Variants in LOC128706665 observed in about 807,000 individuals in gnomAD.
chr20:10,424,703 T>C, the LOC128706665 span, among the ~76,000 whole-genome samples: 1 of 152,336 alleles, frequency 6.6e-6, no homozygotes, highest in African/African-American at 2.4e-5. Context: ...ATTTTGGGGA[T>C]ACAATTTAAA....
chr20:10,427,029 G>GACACACACACAGACACACAC, the LOC128706665 span, among the ~76,000 whole-genome samples: 776 of 130,754 alleles, frequency 5.9e-3, 9 homozygotes, highest in Middle Eastern at 0.013. Context: ...AGAAAACACT[G>GACACACACACAGACACACAC]ACACACACAC....
the LOC128706665 span, among the ~76,000 whole-genome samples, chr20:10,416,880 G>A: frequency 1.3e-5 from 2 of 152,172 alleles, no homozygotes; most frequent in African/African-American, 4.8e-5. Flanking sequence ...TTTGTGTACT[G>A]TGTATGAGTG....
chr20:10,416,136 C>T, the LOC128706665 span, among the ~76,000 whole-genome samples: 3 of 151,314 alleles, frequency 2.0e-5, no homozygotes, highest in African/African-American at 7.3e-5. Context: ...CTTGGATGCA[C>T]GGGCTTGGCA....
chr20:10,422,656 T>G, the LOC128706665 span, among the ~76,000 whole-genome samples: 1 of 152,134 alleles, frequency 6.6e-6, no homozygotes, highest in African/African-American at 2.4e-5. Context: ...GTCTCAATAC[T>G]TAAGGTGACT....
the LOC128706665 span, among the ~76,000 whole-genome samples, chr20:10,423,112 T>C: frequency 3.9e-4 from 60 of 152,044 alleles, 1 homozygote; most frequent in South Asian, 0.012. Flanking sequence ...TTCTGAACTA[T>C]AAACTCAAGG....
the LOC128706665 span, among the ~76,000 whole-genome samples, chr20:10,426,242 T>G: frequency 6.6e-6 from 1 of 152,246 alleles, no homozygotes; most frequent in South Asian, 2.1e-4. Context: ...CCTAGTACTC[T>G]ACTAAGCAAT....
the LOC128706665 span, among the ~76,000 whole-genome samples, chr20:10,423,280 A>G: frequency 6.6e-6 from 1 of 152,114 alleles, no homozygotes; most frequent in Non-Finnish European, 1.5e-5. Flanking sequence ...TTAGCTGGGC[A>G]TGGTGGCGCA....
the LOC128706665 span, among the ~76,000 whole-genome samples, chr20:10,430,031 CAA>C: frequency 1.7e-5 from 2 of 114,312 alleles, no homozygotes; most frequent in East Asian, 4.2e-4. Flanking sequence ...TCTTGCAAAA[CAA>C]AAAACAAAAA....
chr20:10,433,578 G>A, the LOC128706665 span, among the ~76,000 whole-genome samples: 1 of 152,166 alleles, frequency 6.6e-6, no homozygotes, highest in Non-Finnish European at 1.5e-5. Flanking sequence ...GGAGGAAGAC[G>A]AGCATGACCT....
chr20:10,431,071 T>C, the LOC128706665 span, among the ~76,000 whole-genome samples: 3 of 152,314 alleles, frequency 2.0e-5, no homozygotes, highest in African/African-American at 4.8e-5. Flanking sequence ...TATACATTCA[T>C]AGCTTAGTAC....
At chr20:10,415,221 CG>C in the LOC128706665 span, among the ~76,000 whole-genome samples, 1 of 152,024 alleles carries the variant, frequency 6.6e-6, no homozygotes, top group Admixed American at 6.6e-5. Context: ...GTATATTATT[CG>C]TTAGTATTTC....
chr20:10,420,029 T>G, the LOC128706665 span, among the ~76,000 whole-genome samples: 4 of 152,190 alleles, frequency 2.6e-5, no homozygotes, highest in East Asian at 7.7e-4. Flanking sequence ...GAGAACTTTT[T>G]GAATTTTGGA....
At chr20:10,424,646 T>G in the LOC128706665 span, among the ~76,000 whole-genome samples, 1 of 152,244 alleles carries the variant, frequency 6.6e-6, no homozygotes, top group African/African-American at 2.4e-5. Flanking sequence ...ATGTGTTATT[T>G]ATTTTGTTTA....
the LOC128706665 span, among the ~76,000 whole-genome samples, chr20:10,431,296 T>C: frequency 2.6e-5 from 4 of 152,274 alleles, no homozygotes; most frequent in African/African-American, 9.6e-5. Flanking sequence ...CACAGTCATG[T>C]ATCCCACATT....
chr20:10,414,855 T>C, the LOC128706665 span, among the ~76,000 whole-genome samples: 1 of 152,302 alleles, frequency 6.6e-6, no homozygotes, highest in African/African-American at 2.4e-5. Flanking sequence ...GAGCTAATTT[T>C]CTATCATTTT....
the LOC128706665 span, among the ~76,000 whole-genome samples, chr20:10,425,594 G>A: frequency 2.6e-5 from 4 of 152,206 alleles, no homozygotes; most frequent in Non-Finnish European, 4.4e-5. Context: ...CCTTGAGATG[G>A]TCCTTCCCTC....
chr20:10,433,471 T>C, the LOC128706665 span, among the ~76,000 whole-genome samples: 1 of 152,204 alleles, frequency 6.6e-6, no homozygotes. Context: ...GACACGTGTA[T>C]ATCTGTTTAT....
the LOC128706665 span, among the ~76,000 whole-genome samples, chr20:10,417,849 G>A: frequency 4.6e-5 from 7 of 152,136 alleles, no homozygotes; most frequent in African/African-American, 1.7e-4. Context: ...GGAAATAGGG[G>A]AGAGAAAGAG....
the LOC128706665 span, among the ~76,000 whole-genome samples, chr20:10,417,143 C>T: frequency 4.6e-5 from 7 of 150,560 alleles, no homozygotes; most frequent in Admixed American, 3.3e-4. Context: ...CCCAGTTACT[C>T]GGGAGGTTGA....
Sources: gnomAD v4.1 joint callset for allele counts (sites outside exome capture counted in the v4.1 genomes callset) on GRCh38, gnomAD v4.1.1 for gene constraint, MANE v1.5 for transcripts.